Variants in NDUFAF6 observed in about 807,000 individuals in gnomAD.
NDUFAF6 encodes the protein NADH dehydrogenase (ubiquinone) complex I, assembly factor 6.
In NDUFAF6, 45 loss-of-function variants were observed where a neutral mutation model predicts 40.8. The observed-to-expected ratio is 1.10, with a 90% confidence interval of 0.87 to 1.42. The LOEUF (loss-of-function observed/expected upper bound fraction) is 1.42, where lower values mean the gene tolerates loss of function less well. Among genes scored for constraint, NDUFAF6 ranks in the 40% most tolerant of loss-of-function variants. NDUFAF6 has a pLI of 0.00. For missense variants in NDUFAF6, 435 were observed against 418.5 expected, an observed-to-expected ratio of 1.04 and a Z score of -0.34; for synonymous variants, 185 against 155.9, an observed-to-expected ratio of 1.19 and a Z score of -1.39.
Position 95,047,069 on chromosome 8 carries a change from CA to C in NDUFAF6, c.658del (p.Thr220HisfsTer36). 6.2e-7 allele frequency: 1 copy of C among 1,614,198 alleles called. No homozygotes were observed. Among genetic ancestry groups the C allele is most frequent in the East Asian group, 2.2e-5 (1 of 44,878 alleles). On this transcript the variant is annotated frameshift_variant, in exon 6 of 9. Coordinates refer to ENST00000396124, the MANE Select transcript of NDUFAF6 (RefSeq NM_152416.4). LOFTEE classifies it high-confidence loss of function. ...CAAGGCATTGTCACTTGCTTGAGAG[CA>C]ACACCATATCATGGGAGCAGAAGAA... is the stretch of plus-strand genomic sequence containing the variant. ...KAQGIVTCLR[A>X]TPYHGSRRKV...
chr8:95,104,578 G>A (rs188062495), downstream of NDUFAF6, among the ~76,000 whole-genome samples: 4 of 152,318 alleles, frequency 2.6e-5, no homozygotes, highest in East Asian at 7.7e-4. Flanking sequence ...TGTTTATGTA[G>A]TGAACAGCCT....
intron 1 of NDUFAF6, among the ~76,000 whole-genome samples, chr8:94,901,883 C>G (rs562800869): frequency 4.6e-5 from 7 of 152,114 alleles, no homozygotes; most frequent in South Asian, 2.1e-4. Context: ...CTGTGCCCAG[C>G]CTTTTACGAA....
In NDUFAF6 at chr8:94,935,449, T is replaced by C. The variant is rs538809788; in HGVS notation, c.-935-10034T>C. On this transcript the variant is annotated intron_variant, in intron 1 of 14. Coordinates refer to the NDUFAF6 transcript ENST00000396113. The stretch of plus-strand genomic sequence containing the variant: ...CTATATTCTCTGGACAAAGGTCATA[T>C]GATGTCTGTAAATTCGGGGAAACTT... Among the ~76,000 whole-genome samples, 51 of 152,346 alleles carry C rather than the reference T, an allele frequency of 3.3e-4. 1 individual carries two copies. In the South Asian group the frequency reaches 1.0e-2, roughly 30 times the overall value.
In NDUFAF6 at chr8:94,991,796, G is replaced by GCGC. The variant is rs1279924591; in HGVS notation, c.-84+10824_-84+10825insGCC. On this transcript the variant is annotated intron_variant, in intron 2 of 9. Transcript: ENST00000396111. The stretch of plus-strand genomic sequence containing the variant: ...TACAAGGAGAGCTTCCTCATTCTTC[G>GCGC]CCCCCCCCCCCTTTTTTTTTTTAAA... Among the ~76,000 whole-genome samples, 25 of 113,290 alleles carry GCGC rather than the reference G, an allele frequency of 2.2e-4. 1 individual carries two copies. Among genetic ancestry groups the GCGC allele is most frequent in the African/African-American group, 7.7e-4 (23 of 30,064 alleles). 74.3% of individuals were successfully genotyped at this position (113,290 alleles called of 152,430 possible).
At chr8:95,118,225 G>T (rs545650180), downstream of NDUFAF6, among the ~76,000 whole-genome samples, 16 of 152,340 alleles carry the variant, frequency 1.1e-4, no homozygotes, top group African/African-American at 3.8e-4. Flanking sequence ...CCAAGAGTGA[G>T]TATTCCAAGA....
intron 3 of NDUFAF6, chr8:95,036,386 G>T (rs1325699001): frequency 2.3e-6 from 3 of 1,289,306 alleles, no homozygotes; most frequent in Non-Finnish European, 3.0e-6. Flanking sequence ...CACACCAGCA[G>T]AGGCAGGCCC....
In NDUFAF6 at chr8:94,939,896, C is replaced by A. The variant is rs532052124; in HGVS notation, c.-935-5587C>A. The A allele has an allele frequency of 5.0e-6, 8 of 1,613,868 alleles. No individual in the cohort carries two copies. In the South Asian group the frequency reaches 7.7e-5, roughly 16 times the overall value. On this transcript the variant is annotated intron_variant, in intron 1 of 14. Coordinates refer to the NDUFAF6 transcript ENST00000396113. ...TGGGCTATGTAATTCATCAGTCCCA[C>A]GGGTGGCCTCACTGAGACCAGGGCA...
At chr8:95,075,737 A>G (rs138898332) in exon 10 of NDUFAF6, 1 of 1,279,824 alleles carries the variant, frequency 7.8e-7, no homozygotes, top group Non-Finnish European at 1.0e-6. Context: ...GGTTCTAGGC[A>G]TGCGCACTTC....
chr8:94,952,076 T>TC (rs1822671556), intron 2 of NDUFAF6, among the ~76,000 whole-genome samples: 2 of 152,242 alleles, frequency 1.3e-5, no homozygotes, highest in Admixed American at 1.3e-4. Flanking sequence ...GGTGACCCTT[T>TC]CCCCATCTGT....
chr8:94,943,614 C>T (rs919392675), intron 1 of NDUFAF6, among the ~76,000 whole-genome samples: 7 of 152,214 alleles, frequency 4.6e-5, no homozygotes. Flanking sequence ...AGTTCACTTT[C>T]AAAATAATCT....
At chr8:95,007,659 GT>G (rs553474402) in intron 2 of NDUFAF6, among the ~76,000 whole-genome samples, 1,827 of 103,818 alleles carry the variant, frequency 0.018, 33 homozygotes, top group African/African-American at 0.046. Flanking sequence ...GTGAGGCTCT[GT>G]TTTTTTTTTT....
chr8:94,917,128 A>G (rs1396025599), intron 1 of NDUFAF6, among the ~76,000 whole-genome samples: 2 of 141,522 alleles, frequency 1.4e-5, no homozygotes, highest in African/African-American at 5.1e-5. Context: ...AAAAAAAAAA[A>G]GAAAGAAAAA....
intron 1 of NDUFAF6, among the ~76,000 whole-genome samples, chr8:95,030,577 G>A (rs796552545): frequency 4.6e-5 from 7 of 152,244 alleles, no homozygotes; most frequent in African/African-American, 2.4e-5. Flanking sequence ...GACTTGGCCA[G>A]TGAGAACTCT....
chr8:95,025,763 G>A (rs1252765092), intron 1 of NDUFAF6, among the ~76,000 whole-genome samples: 2 of 152,188 alleles, frequency 1.3e-5, no homozygotes, highest in Admixed American at 6.5e-5. Flanking sequence ...TAGAGAATTT[G>A]CCACAGGTTC....
intron 1 of NDUFAF6, chr8:94,940,158 G>GT: frequency 5.6e-6 from 9 of 1,614,106 alleles, no homozygotes; most frequent in Non-Finnish European, 7.6e-6. Flanking sequence ...TGCTCAGTAG[G>GT]TGACTCTTCA....
downstream of NDUFAF6, among the ~76,000 whole-genome samples, chr8:95,076,873 CAA>C (rs35168202): frequency 2.3e-5 from 3 of 128,966 alleles, no homozygotes; most frequent in African/African-American, 3.0e-5. Context: ...AACTCCGTCT[CAA>C]AAAAAAAAAA....
chr8:95,083,344 C>T (rs928847923), intron 2 of NDUFAF6, among the ~76,000 whole-genome samples: 1 of 152,174 alleles, frequency 6.6e-6, no homozygotes, highest in African/African-American at 2.4e-5. Context: ...ATCAGTCTAG[C>T]TATCATTATA....
intron 2 of NDUFAF6, among the ~76,000 whole-genome samples, chr8:95,032,498 G>A (rs1828973905): frequency 6.6e-6 from 1 of 152,184 alleles, no homozygotes; most frequent in Non-Finnish European, 1.5e-5. Flanking sequence ...TATCAGTAGG[G>A]AATGAAAGCA....
At chr8:95,103,042 C>T (rs1007133114) in exon 3 of NDUFAF6, 2 of 152,186 alleles carry the variant, frequency 1.3e-5, no homozygotes, top group Non-Finnish European at 2.9e-5. Context: ...TTTAGCCCTT[C>T]ATTTTGGTGA....
Sources: allele counts gnomAD v4.1 joint callset (sites outside exome capture counted in the v4.1 genomes callset), GRCh38; gene constraint gnomAD v4.1.1; transcripts MANE v1.5; gene names NCBI Gene and HGNC (gene_info 2026-07-23, HGNC 2026-07-21).